Variants in THRB observed in about 807,000 individuals in gnomAD.
THRB encodes nuclear receptor subfamily 1 group A member 2.
THRB carries 12 observed loss-of-function variants against 47.8 expected under a neutral mutation model. The ratio of observed to expected loss-of-function variants is 0.25; its 90% CI spans 0.16 to 0.41. The LOEUF is 0.41. THRB is among the 10% of genes least tolerant of loss of function. The pLI is 1.00. For synonymous variants in THRB, 218 were observed against 212.2 expected, an observed-to-expected ratio of 1.03 and a Z score of -0.24; for missense variants, 348 against 589.2, an observed-to-expected ratio of 0.59 and a Z score of 4.24.
chr3:24,133,098 C>T (rs2034117906), intron 9 of THRB, among the ~76,000 whole-genome samples: 1 of 152,154 alleles, frequency 6.6e-6, no homozygotes, highest in Non-Finnish European at 1.5e-5. Flanking sequence ...TGAATAGGAT[C>T]TTGATGGGCC....
chr3:24,176,775 T>C (rs756229637), intron 5 of THRB, among the ~76,000 whole-genome samples: 3 of 152,152 alleles, frequency 2.0e-5, no homozygotes, highest in Non-Finnish European at 2.9e-5. Context: ...GAAAAATGGT[T>C]GCCAGAGGCT....
chr3:24,203,751 T>A (rs958475770), intron 4 of THRB, among the ~76,000 whole-genome samples: 1 of 152,184 alleles, frequency 6.6e-6, no homozygotes, highest in African/African-American at 2.4e-5. Flanking sequence ...GAATTCCGTT[T>A]CTTAGCCAAG....
At chr3:24,396,084 C>T (rs1313725082) in intron 1 of THRB, among the ~76,000 whole-genome samples, 1 of 151,964 alleles carries the variant, frequency 6.6e-6, no homozygotes, top group Non-Finnish European at 1.5e-5. Context: ...TGTGAATACA[C>T]TAAAAACCAT....
chr3:24,324,564 T>C lies in THRB; in HGVS notation c.-189+12736A>G, dbSNP rs140950843. ...ACCTCTTTTTTATTGTGAAATATAA[T>C]ATACATACAGAAAACTGCATACATA... On this transcript the variant is annotated intron_variant, in intron 2 of 10. Transcript: ENST00000646209. Among the ~76,000 whole-genome samples the C allele has an allele frequency of 4.6e-5, 7 of 152,372 alleles. No homozygotes were observed. The East Asian group carries it at 1.3e-3, about 29-fold the overall frequency.
At chr3:24,324,358 T>C (rs1475706897) in intron 2 of THRB, among the ~76,000 whole-genome samples, 1 of 152,202 alleles carries the variant, frequency 6.6e-6, no homozygotes, top group African/African-American at 2.4e-5. Context: ...TCCCCTTGTC[T>C]ACAGCAGAAC....
intron 1 of THRB, among the ~76,000 whole-genome samples, chr3:24,392,483 T>C (rs977215617): frequency 3.9e-5 from 6 of 152,160 alleles, no homozygotes; most frequent in Non-Finnish European, 7.4e-5. Context: ...ATTCCTTCTA[T>C]ATAACTGTAT....
chr3:24,336,674 T>G (rs2062273585), intron 2 of THRB, among the ~76,000 whole-genome samples: 1 of 152,028 alleles, frequency 6.6e-6, no homozygotes, highest in Non-Finnish European at 1.5e-5. Context: ...CACAGGTGCT[T>G]GTACCCTATC....
rs982270879 is a variant in THRB at position 24,297,314 on chromosome 3, A to G, written c.-131T>C. ...GTTTTTCTGCATTTCCTCTTCCTAC[A>G]GTGAAGTCACTGGGGGCAGATGAAA... On this transcript the variant is annotated 5_prime_UTR_variant, in exon 3 of 11. Coordinates refer to ENST00000646209, the MANE Select transcript of THRB (RefSeq NM_001354712.2). 1 of 152,226 alleles carries G rather than the reference A, an allele frequency of 6.6e-6. No homozygotes were observed. The highest frequency in any genetic ancestry group is 2.4e-5 in the African/African-American group (1 of 41,460). 9.4% of individuals were successfully genotyped at this position (152,226 alleles called of 1,614,324 possible). A position where few individuals can be genotyped will look rare whatever the true frequency, so the allele number is the denominator to read the frequency against.
intron 1 of THRB, among the ~76,000 whole-genome samples, chr3:24,366,273 T>A (rs1248754669): frequency 6.6e-6 from 1 of 152,152 alleles, no homozygotes; most frequent in African/African-American, 2.4e-5. Flanking sequence ...CTTATACTAA[T>A]TGTAGCCATC....
At chr3:24,241,732 G>A (rs2049531053) in intron 3 of THRB, among the ~76,000 whole-genome samples, 1 of 152,042 alleles carries the variant, frequency 6.6e-6, no homozygotes, top group East Asian at 1.9e-4. Context: ...TCTTAGAGCG[G>A]GGTTCTCAAA....
At chr3:24,206,208 GCAC>G (rs1170669504) in intron 4 of THRB, among the ~76,000 whole-genome samples, 1 of 152,122 alleles carries the variant, frequency 6.6e-6, no homozygotes. Flanking sequence ...ATTCTTCTCA[GCAC>G]CACATCACAC....
chr3:24,172,881 T>C (rs960286799), intron 5 of THRB, among the ~76,000 whole-genome samples: 2 of 152,156 alleles, frequency 1.3e-5, no homozygotes, highest in African/African-American at 2.4e-5. Flanking sequence ...GGTGGAATAA[T>C]TGCCTCAGCA....
chr3:24,146,657 A>C lies in THRB; in HGVS notation c.532+18T>G, dbSNP rs748805180. The C allele has an allele frequency of 4.3e-6, 7 of 1,613,662 alleles. No homozygotes were observed. In the East Asian group the frequency reaches 1.6e-4, roughly 36 times the overall value. On this transcript the variant is annotated intron_variant, in intron 7 of 10. Coordinates refer to ENST00000646209, the MANE Select transcript of THRB (RefSeq NM_001354712.2). The stretch of plus-strand genomic sequence containing the variant: ...AATCAACATTCCTTGAATATGAAGC[A>C]AGTGAAGATCTACTTACAATCTGTT...
At chr3:24,478,864 GT>G (rs1446214269) in intron 1 of THRB, among the ~76,000 whole-genome samples, 1 of 152,170 alleles carries the variant, frequency 6.6e-6, no homozygotes, top group African/African-American at 2.4e-5. Context: ...CTAAACAGTG[GT>G]TTCCAACAGG....
At chr3:24,136,702 C>T (rs2034724610) in intron 8 of THRB, among the ~76,000 whole-genome samples, 1 of 152,210 alleles carries the variant, frequency 6.6e-6, no homozygotes, top group Non-Finnish European at 1.5e-5. Context: ...TGTAGATTCA[C>T]CACTGTAGAC....
At chr3:24,491,659 G>A (rs926691382) in intron 1 of THRB, among the ~76,000 whole-genome samples, 1 of 152,210 alleles carries the variant, frequency 6.6e-6, no homozygotes, top group Middle Eastern at 3.4e-3. Context: ...AGCCCAAATT[G>A]TACCACCATG....
intron 1 of THRB, among the ~76,000 whole-genome samples, chr3:24,492,925 A>G (rs1239838592): frequency 6.6e-6 from 1 of 152,270 alleles, no homozygotes; most frequent in Admixed American, 6.5e-5. Flanking sequence ...TGGCTATAAA[A>G]TAAAGCCAAA....
At chr3:24,245,646 C>G (rs1286749366) in intron 3 of THRB, among the ~76,000 whole-genome samples, 1 of 152,206 alleles carries the variant, frequency 6.6e-6, no homozygotes, top group East Asian at 1.9e-4. Flanking sequence ...GGTGCAGTGG[C>G]TCACACCTGT....
At chr3:24,465,030 C>T (rs780243404) in intron 1 of THRB, among the ~76,000 whole-genome samples, 1 of 152,022 alleles carries the variant, frequency 6.6e-6, no homozygotes, top group South Asian at 2.1e-4. Flanking sequence ...TCTTCACTCA[C>T]TATTTTTTTT....
Sources: gnomAD v4.1 joint callset for allele counts (sites outside exome capture counted in the v4.1 genomes callset) on GRCh38, gnomAD v4.1.1 for gene constraint, MANE v1.5 for transcripts, NCBI Gene and HGNC (gene_info 2026-07-23, HGNC 2026-07-21) for gene names.